Variants in DSE observed in about 807,000 individuals in gnomAD.
DSE encodes dermatan-sulfate epimerase.
A neutral mutation model predicts 84.4 loss-of-function variants in DSE; 36 were observed. The observed-to-expected ratio is 0.43, with a 90% CI of 0.33 to 0.56. DSE has a LOEUF of 0.56. Ranked by LOEUF, DSE falls within the 20% of genes least tolerant of loss-of-function variation. DSE has a pLI of 0.06. For synonymous variants in DSE, 410 were observed against 430.1 expected, an observed-to-expected ratio of 0.95 and a Z score of 0.58; for missense variants, 862 against 1,169.6, an observed-to-expected ratio of 0.74 and a Z score of 3.84.
At chr6:116,373,744 T>C (rs1252515852) in intron 1 of DSE, among the ~76,000 whole-genome samples, 1 of 152,194 alleles carries the variant, frequency 6.6e-6, no homozygotes, top group Non-Finnish European at 1.5e-5. Context: ...TATAGTCTCT[T>C]TTTAATTTCT....
rs1004103607 is a variant in DSE, at chr6:116,338,105, T to C, written c.-53-61093T>C. Among the ~76,000 whole-genome samples the C allele has an allele frequency of 7.2e-5, 11 of 152,268 alleles. 1 individual carries two copies. The South Asian group carries it at 1.9e-3, about 26-fold the overall frequency. ...CTAACAGGAGCTTTGTTATTCTTCA[T>C]GTCTATGTTTGATACTCCGAATAAC... is the stretch of plus-strand genomic sequence containing the variant. On this transcript the variant is annotated intron_variant, in intron 2 of 3. Coordinates refer to the DSE transcript ENST00000430252.
intron 2 of DSE, among the ~76,000 whole-genome samples, chr6:116,405,958 A>G (rs887528818): frequency 6.6e-5 from 10 of 152,364 alleles, no homozygotes; most frequent in Middle Eastern, 3.4e-3. Flanking sequence ...ACTCTTCCCC[A>G]TCTATTTCAA....
chr6:116,359,973 T>G (rs1048919159), intron 2 of DSE, among the ~76,000 whole-genome samples: 1 of 152,192 alleles, frequency 6.6e-6, no homozygotes, highest in Non-Finnish European at 1.5e-5. Context: ...CAAAATTGTT[T>G]TACTTAAAAA....
intron 2 of DSE, among the ~76,000 whole-genome samples, chr6:116,309,337 T>TACATACAC (rs1234207998): frequency 6.7e-6 from 1 of 149,694 alleles, no homozygotes; most frequent in East Asian, 1.9e-4. Flanking sequence ...CATACATACA[T>TACATACAC]ACATACACAC....
intron 1 of DSE, among the ~76,000 whole-genome samples, chr6:116,389,133 GC>G (rs1169391978): frequency 6.6e-6 from 1 of 152,090 alleles, no homozygotes; most frequent in East Asian, 1.9e-4. Context: ...GATGATGATG[GC>G]TGCTAGTATT....
rs1340243872 is a variant in DSE at position 116,278,559 on chromosome 6, C to G, written c.-54+19592C>G. 9 of 1,614,076 alleles carry G rather than the reference C, an allele frequency of 5.6e-6. No individual in the cohort carries two copies. Among genetic ancestry groups the G allele is most frequent in the Non-Finnish European group, 6.8e-6 (8 of 1,180,048 alleles). On this transcript the variant is annotated intron_variant, in intron 2 of 3. Coordinates refer to the DSE transcript ENST00000430252. ...CAAAGGGCCTGGGGATCTCTACAGG[C>G]TCCCTTAGCGGGCGACGTCGGGCTC...
chr6:116,309,255 C>A (rs1024386830), intron 2 of DSE, among the ~76,000 whole-genome samples: 11 of 152,104 alleles, frequency 7.2e-5, no homozygotes, highest in African/African-American at 2.7e-4. Flanking sequence ...AGGTGGATTT[C>A]TTCCAAGATG....
At chr6:116,342,237 G>A (rs1002503783) in intron 2 of DSE, among the ~76,000 whole-genome samples, 1 of 149,912 alleles carries the variant, frequency 6.7e-6, no homozygotes, top group Non-Finnish European at 1.5e-5. Flanking sequence ...TAGTAAGTTT[G>A]GATTCTAATT....
intron 2 of DSE, among the ~76,000 whole-genome samples, chr6:116,426,269 G>T (rs1413068548): frequency 4.6e-5 from 7 of 152,132 alleles, no homozygotes; most frequent in Admixed American, 4.6e-4. Flanking sequence ...GCCAACACAT[G>T]TTCTATGCTT....
chr6:116,280,061 C>G (rs538932994), intron 2 of DSE: 1 of 633,568 alleles, frequency 1.6e-6, no homozygotes, highest in Admixed American at 2.7e-5. Context: ...GTGAATTTAC[C>G]CATAGCAACA....
chr6:116,429,534 A>C (rs1412943457), intron 3 of DSE, among the ~76,000 whole-genome samples: 1 of 152,186 alleles, frequency 6.6e-6, no homozygotes. Context: ...ATTTTTAGTC[A>C]TGTGCCAGAG....
At chr6:116,274,344 C>A (rs185108478) in intron 2 of DSE, among the ~76,000 whole-genome samples, 1 of 152,020 alleles carries the variant, frequency 6.6e-6, no homozygotes, top group Non-Finnish European at 1.5e-5. Flanking sequence ...GGCACATCGC[C>A]TGAGGTCGGG....
intron 2 of DSE, among the ~76,000 whole-genome samples, chr6:116,408,812 A>G (rs1782105740): frequency 6.6e-6 from 1 of 152,186 alleles, no homozygotes; most frequent in Non-Finnish European, 1.5e-5. Context: ...TTTGGTGTTC[A>G]TCTTCTTACA....
chr6:116,375,879 C>T (rs1418404193), intron 1 of DSE, among the ~76,000 whole-genome samples: 1 of 151,948 alleles, frequency 6.6e-6, no homozygotes, highest in Non-Finnish European at 1.5e-5. Context: ...GAGCTAGTGT[C>T]TTACCCTCAT....
chr6:116,272,288 TATA>T (rs1772915429), intron 2 of DSE, among the ~76,000 whole-genome samples: 1 of 152,200 alleles, frequency 6.6e-6, no homozygotes, highest in African/African-American at 2.4e-5. Flanking sequence ...ACATGTAAAT[TATA>T]CTTTATTAAA....
At chr6:116,382,241 C>G (rs988400949) in intron 1 of DSE, among the ~76,000 whole-genome samples, 1 of 152,044 alleles carries the variant, frequency 6.6e-6, no homozygotes, top group Non-Finnish European at 1.5e-5. Context: ...TTTTGTGGAA[C>G]AAAATTTAAC....
chr6:116,310,421 C>T (rs886292790), intron 2 of DSE, among the ~76,000 whole-genome samples: 1 of 151,876 alleles, frequency 6.6e-6, no homozygotes, highest in African/African-American at 2.4e-5. Context: ...CAGCCATTCA[C>T]GATAATCTCC....
intron 2 of DSE, among the ~76,000 whole-genome samples, chr6:116,339,595 T>C (rs1301549010): frequency 6.6e-6 from 1 of 152,224 alleles, no homozygotes; most frequent in Non-Finnish European, 1.5e-5. Flanking sequence ...TGAAATCCAG[T>C]TACTGCTGTA....
chr6:116,264,648 T>A (rs1288678574), intron 2 of DSE, among the ~76,000 whole-genome samples: 1 of 152,174 alleles, frequency 6.6e-6, no homozygotes, highest in Admixed American at 6.5e-5. Flanking sequence ...TAAGGCACTT[T>A]GGCTTTTTGA....
Sources: gnomAD v4.1 joint callset for allele counts (sites outside exome capture counted in the v4.1 genomes callset) on GRCh38, gnomAD v4.1.1 for gene constraint, MANE v1.5 for transcripts, NCBI Gene and HGNC (gene_info 2026-07-23, HGNC 2026-07-21) for gene names.